The following CCDC73 variants were observed in gnomAD, a reference collection of about 807,000 sequenced individuals.
The protein encoded by CCDC73 is coiled-coil domain containing 73.
CCDC73 carries 95 observed loss-of-function variants against 116.5 expected under a neutral mutation model. The observed-to-expected ratio is 0.82, with a 90% CI of 0.69 to 0.97. CCDC73 has a LOEUF of 0.97. Ranked by LOEUF, CCDC73 falls within the 50% of genes least tolerant of loss-of-function variation. CCDC73 has a pLI of 0.00. For synonymous variants in CCDC73, 398 were observed against 401.3 expected (o/e 0.99, Z 0.10); for missense variants, 1,066 against 1,206.8 (o/e 0.88, Z 1.73).
chr11:32,803,885 C>T, the CCDC73 span, among the ~76,000 whole-genome samples: 1 of 152,180 alleles, frequency 6.6e-6, no homozygotes, highest in Non-Finnish European at 1.5e-5. Context: ...CAGCTCACTG[C>T]AACCTCCCCA....
intron 2 of CCDC73, among the ~76,000 whole-genome samples, chr11:32,750,330 T>C: frequency 6.6e-6 from 1 of 152,160 alleles, no homozygotes; most frequent in East Asian, 1.9e-4. Context: ...CAAGGCCTGC[T>C]ATAGCCACTA....
chr11:32,624,556 A>G (rs1590551002), intron 14 of CCDC73, among the ~76,000 whole-genome samples: 1 of 152,090 alleles, frequency 6.6e-6, no homozygotes, highest in East Asian at 1.9e-4. Context: ...GGACTTAGAA[A>G]GATATCCACT....
chr11:32,604,738 T>G (rs1215442351), intron 17 of CCDC73: 1 of 152,236 alleles, frequency 6.6e-6, no homozygotes, highest in Admixed American at 6.5e-5. Flanking sequence ...TGTTCATAAA[T>G]CTTTGTGAAG....
the CCDC73 span, among the ~76,000 whole-genome samples, chr11:32,827,550 A>C: frequency 1.3e-5 from 2 of 152,324 alleles, no homozygotes; most frequent in Middle Eastern, 3.4e-3. Flanking sequence ...ATGTCATCAA[A>C]GTTCACAACT....
chr11:32,706,254 A>G (rs532955953), intron 3 of CCDC73, among the ~76,000 whole-genome samples: 4 of 152,312 alleles, frequency 2.6e-5, no homozygotes, highest in African/African-American at 9.6e-5. Context: ...TGAGGAGTAG[A>G]TTCTGAAGCT....
chr11:32,706,874 G>A (rs559284592), intron 3 of CCDC73, among the ~76,000 whole-genome samples: 1 of 152,258 alleles, frequency 6.6e-6, no homozygotes, highest in African/African-American at 2.4e-5. Context: ...GCAAAATTAA[G>A]TTCTCTCCTG....
At chr11:32,765,816 G>C (rs143040415) in intron 1 of CCDC73, among the ~76,000 whole-genome samples, 2,558 of 152,190 alleles carry the variant, frequency 0.017, 74 homozygotes, top group African/African-American at 0.056. Flanking sequence ...CAATAATTAA[G>C]AGCCTACCAA....
chr11:32,633,831 G>C (rs1855653769), intron 14 of CCDC73, among the ~76,000 whole-genome samples: 1 of 152,182 alleles, frequency 6.6e-6, no homozygotes, highest in Non-Finnish European at 1.5e-5. Context: ...CACATTGTTT[G>C]TACTAATAGT....
chr11:32,653,095 G>A (rs932974765), intron 12 of CCDC73, 28 bp downstream of exon 12: 6 of 1,244,384 alleles, frequency 4.8e-6, no homozygotes, highest in Non-Finnish European at 7.0e-6. Flanking sequence ...CAGATAGATA[G>A]ACAGACAGAC....
chr11:32,767,302 C>T (rs1330444701), intron 1 of CCDC73, among the ~76,000 whole-genome samples: 1 of 152,142 alleles, frequency 6.6e-6, no homozygotes, highest in Non-Finnish European at 1.5e-5. Context: ...CTTCCTTACA[C>T]TTTATACAAA....
At chr11:32,815,873 C>A in the CCDC73 span, among the ~76,000 whole-genome samples, 1 of 152,172 alleles carries the variant, frequency 6.6e-6, no homozygotes, top group East Asian at 1.9e-4. Context: ...CCTTTTAGAT[C>A]TCTATGCTTT....
chr11:32,700,481 T>G (rs1168455590), intron 5 of CCDC73, among the ~76,000 whole-genome samples: 1 of 152,186 alleles, frequency 6.6e-6, no homozygotes, highest in African/African-American at 2.4e-5. Flanking sequence ...GGAAGAACAT[T>G]AATTTGGGGC....
Position 32,653,133 on chromosome 11 carries a change from T to C in CCDC73, c.929A>G (p.Glu310Gly). 1 of 1,604,696 alleles carries C rather than the reference T, an allele frequency of 6.2e-7. No homozygotes were observed. The change falls in exon 12 of 18, where the codon GAA (glutamate) becomes GGA (glycine). Residue 310 changes from glutamate (E) to glycine (G), a missense_variant. By Grantham distance (98) the Glu-to-Gly change is moderately conservative (BLOSUM62 -2). Transcript: ENST00000335185. ...ACAGATAGAACGAACCTGATTATTT[T>C]CTTTTAGCACCTTCAATTCTGCCTC... is the stretch of plus-strand genomic sequence containing the variant. ...EMEAELKVLK[E>G]NNQTLERDNE...
At chr11:32,745,884 G>T (rs1238523555) in intron 2 of CCDC73, among the ~76,000 whole-genome samples, 5 of 151,464 alleles carry the variant, frequency 3.3e-5, no homozygotes, top group African/African-American at 1.2e-4. Context: ...TATCCAGTTT[G>T]CCAGTCTGTG....
chr11:32,805,423 A>C, the CCDC73 span, among the ~76,000 whole-genome samples: 12 of 152,230 alleles, frequency 7.9e-5, no homozygotes, highest in Non-Finnish European at 7.3e-5. Context: ...AGCATTCCAC[A>C]TAAGTAGGAA....
In CCDC73 at chr11:32,699,248, T is replaced by C. The variant is rs1465731717; in HGVS notation, c.390+3A>G. The C allele has an allele frequency of 6.3e-7, 1 of 1,577,680 alleles. No individual in the cohort carries two copies. The highest frequency in any genetic ancestry group is 8.6e-7 in the Non-Finnish European group (1 of 1,158,476). ...TTTTTAAACAATACGTAGTTATTTTTACCTGTAGTGCTTTTAATGTTTCCT... is the reference window on the plus strand; with the variant it reads ...TTTTTAAACAATACGTAGTTATTTTCACCTGTAGTGCTTTTAATGTTTCCT... On this transcript the variant is annotated splice_donor_region_variant and intron_variant, in intron 6 of 17. Coordinates refer to ENST00000335185, the MANE Select transcript of CCDC73 (RefSeq NM_001008391.4).
intron 1 of CCDC73, among the ~76,000 whole-genome samples, chr11:32,784,040 A>G (rs2133399784): frequency 6.6e-6 from 1 of 152,350 alleles, no homozygotes; most frequent in East Asian, 1.9e-4. Context: ...TACATTAAAA[A>G]GAAAGCAGGC....
intron 1 of CCDC73, among the ~76,000 whole-genome samples, chr11:32,765,933 G>C (rs1197792790): frequency 6.6e-6 from 1 of 152,226 alleles, no homozygotes. Context: ...TAGAAAGAGA[G>C]AGAATCCTCC....
chr11:32,755,953 CTA>C (rs373567593), intron 2 of CCDC73, among the ~76,000 whole-genome samples: 1,057 of 28,086 alleles, frequency 0.038, 97 homozygotes, highest in African/African-American at 0.057. Flanking sequence ...ATATATATAT[CTA>C]TATATATATC....
Sources: allele counts gnomAD v4.1 joint callset (sites outside exome capture counted in the v4.1 genomes callset), GRCh38; gene constraint gnomAD v4.1.1; transcripts MANE v1.5; gene names NCBI Gene and HGNC (gene_info 2026-07-23, HGNC 2026-07-21).